FAM204A: variants seen among roughly 807,000 people sequenced by gnomAD.
FAM204A encodes protein FAM204A.
In FAM204A, 16 loss-of-function variants were observed where a neutral mutation model predicts 35.4. The ratio of observed to expected loss-of-function variants is 0.45; its 90% CI spans 0.31 to 0.69. The LOEUF (loss-of-function observed/expected upper bound fraction) is 0.69. Among genes scored for constraint, FAM204A ranks in the 30% least tolerant of loss-of-function variants. The pLI is 0.07. For synonymous variants in FAM204A, 76 were observed against 86.9 expected (o/e 0.88, Z 0.70); for missense variants, 240 against 265.7 (o/e 0.90, Z 0.67).
chr10:118,313,869 A>T (rs1463752356), intron 7 of FAM204A, among the ~76,000 whole-genome samples: 2 of 152,186 alleles, frequency 1.3e-5, no homozygotes, highest in Non-Finnish European at 2.9e-5. Context: ...TATTTTTCTC[A>T]TTGGAATTTC....
intron 2 of FAM204A, among the ~76,000 whole-genome samples, chr10:118,341,304 C>T (rs560801419): frequency 6.6e-6 from 1 of 152,288 alleles, no homozygotes; most frequent in African/African-American, 2.4e-5. Context: ...GAAGCCTGAA[C>T]TTCGTCTGAT....
In FAM204A at chr10:118,311,193, T is replaced by G. The variant is rs758768544; in HGVS notation, c.650+14A>C. On this transcript the variant is annotated intron_variant, in intron 8 of 8. Coordinates refer to ENST00000369183, the MANE Select transcript of FAM204A (RefSeq NM_022063.3). ...GTCAGGAGATTTACTACCAAAAATC[T>G]TAAGTAAACTCACCCCCATGCAAGT... 1 of 1,599,226 alleles carries G rather than the reference T, an allele frequency of 6.3e-7. No individual in the cohort carries two copies. The highest frequency in any genetic ancestry group is 8.5e-7 in the Non-Finnish European group (1 of 1,174,928).
intron 7 of FAM204A, among the ~76,000 whole-genome samples, chr10:118,318,201 A>T (rs1846059980): frequency 6.6e-6 from 1 of 152,084 alleles, no homozygotes; most frequent in Non-Finnish European, 1.5e-5. Flanking sequence ...ATAAACAAGC[A>T]AACAAAAGAA....
At chr10:118,322,275 C>A in intron 7 of FAM204A, 1 of 452,532 alleles carries the variant, frequency 2.2e-6, no homozygotes, top group Non-Finnish European at 4.5e-6. Context: ...GAAACAATAA[C>A]ATCACAGTGG....
chr10:118,316,605 C>T (rs759921446), intron 7 of FAM204A, among the ~76,000 whole-genome samples: 3 of 152,108 alleles, frequency 2.0e-5, no homozygotes, highest in Non-Finnish European at 4.4e-5. Context: ...ATCGTTTACA[C>T]AGCTATCATT....
At chr10:118,332,547 C>A (rs2133288452) in intron 6 of FAM204A, among the ~76,000 whole-genome samples, 1 of 113,724 alleles carries the variant, frequency 8.8e-6, no homozygotes, top group East Asian at 3.2e-4. Context: ...CCTCCCTCCA[C>A]ATCCCTATGC....
At position 118,299,317 on chromosome 10, in the gene FAM204A, T is replaced by C. The variant is rs371265718; in HGVS notation, c.*11540A>G. ...ATCAATTACCAACCCTGCTTCTGTA[T>C]TTTTTTTTGAGGTCAAGCTAGGTAC... is the stretch of plus-strand genomic sequence containing the variant. On this transcript the variant is annotated 3_prime_UTR_variant, in exon 9 of 9. Transcript: ENST00000369183. 6.7e-6 allele frequency: 1 copy of C among 149,562 alleles called. No homozygotes were observed. The highest frequency in any genetic ancestry group is 1.5e-5 in the Non-Finnish European group (1 of 67,646). The allele number at this position is 149,562 out of a possible 1,614,324, so 9.3% of individuals were successfully genotyped here.
chr10:118,332,492 T>G (rs533598300), intron 6 of FAM204A, among the ~76,000 whole-genome samples: 85 of 149,660 alleles, frequency 5.7e-4, no homozygotes, highest in Middle Eastern at 6.8e-3. Context: ...CTCCTATACC[T>G]CCTCCCTCCA....
In FAM204A at chr10:118,302,701, G is replaced by GTAATGT. The variant is rs1323534132; in HGVS notation, c.*8150_*8155dup. ...TCTTTTCCTTTTTTGGAAAATGGAA[G>GTAATGT]TAATGTACTAGTACAGGCAGTCTGT... On this transcript the variant is annotated 3_prime_UTR_variant, in exon 9 of 9. Transcript: ENST00000369183. 1 of 152,182 alleles carries GTAATGT rather than the reference G, an allele frequency of 6.6e-6. No individual in the cohort carries two copies. Among genetic ancestry groups the GTAATGT allele is most frequent in the Non-Finnish European group, 1.5e-5 (1 of 68,044 alleles). 9.4% of individuals were successfully genotyped at this position (152,182 alleles called of 1,614,324 possible). A position where few individuals can be genotyped will look rare whatever the true frequency, so the allele number is the denominator to read the frequency against.
intron 2 of FAM204A, among the ~76,000 whole-genome samples, chr10:118,337,410 TA>T (rs1846406376): frequency 6.6e-6 from 1 of 152,200 alleles, no homozygotes; most frequent in Non-Finnish European, 1.5e-5. Flanking sequence ...GTGATTAACC[TA>T]GTTAAAAAAC....
intron 6 of FAM204A, chr10:118,326,470 A>C (rs1304914803): frequency 4.2e-6 from 2 of 473,092 alleles, no homozygotes; most frequent in Non-Finnish European, 7.4e-6. Flanking sequence ...ATAAGACGCA[A>C]ATCCAGATTT....
chr10:118,320,807 A>C (rs1846101908), intron 7 of FAM204A, among the ~76,000 whole-genome samples: 1 of 151,832 alleles, frequency 6.6e-6, no homozygotes, highest in African/African-American at 2.4e-5. Context: ...AATTTAAGGG[A>C]GTATGATTCC....
At chr10:118,312,597 C>CAT (rs1845970018) in intron 7 of FAM204A, among the ~76,000 whole-genome samples, 1 of 152,070 alleles carries the variant, frequency 6.6e-6, no homozygotes, top group Non-Finnish European at 1.5e-5. Context: ...CAGTTAAGAA[C>CAT]ATATATATAA....
Position 118,326,012 on chromosome 10 carries a change from G to A in FAM204A, c.543+142C>T, listed in dbSNP as rs977813066. The A allele has an allele frequency of 9.6e-6, 6 of 622,462 alleles. No homozygotes were observed. The Admixed American group carries it at 1.9e-4, about 20-fold the overall frequency. 38.6% of individuals were successfully genotyped at this position (622,462 alleles called of 1,614,324 possible). ...ACCTAGCATTTCAAAATAAATGACA[G>A]AATAAAAGAGAAGAAAATGGACAAA... On this transcript the variant is annotated intron_variant, in intron 7 of 8. Coordinates refer to ENST00000369183, the MANE Select transcript of FAM204A (RefSeq NM_022063.3).
In FAM204A at chr10:118,311,212, T is replaced by C. The variant is rs781361703; in HGVS notation, c.645A>G (p.Ala215=). The change falls in exon 8 of 9, where the codon GCA becomes GCG. Residue 215 remains alanine (A), a synonymous_variant. Coordinates refer to ENST00000369183, the MANE Select transcript of FAM204A (RefSeq NM_022063.3). ...SQAARKKKKL[A]WGFEAKKRWE... ...AAAATCTTAAGTAAACTCACCCCCA[T>C]GCAAGTTTCTTCTTTTTTCGGGCAG... 6 of 1,608,502 alleles carry C rather than the reference T, an allele frequency of 3.7e-6. No individual in the cohort carries two copies. The East Asian group carries it at 8.9e-5, about 24-fold the overall frequency.
rs1010159823 is a variant in FAM204A, at chr10:118,299,169, G to A, written c.*11688C>T. On this transcript the variant is annotated 3_prime_UTR_variant, in exon 9 of 9. Coordinates refer to ENST00000369183, the MANE Select transcript of FAM204A (RefSeq NM_022063.3). ...CTGCCTGATTCTTGAGTATGCTAAT[G>A]CCTACACTTTCATCTTCTCAGAAAA... is the stretch of plus-strand genomic sequence containing the variant. The A allele has an allele frequency of 6.6e-6, 1 of 152,212 alleles. No individual in the cohort carries two copies. Among genetic ancestry groups the A allele is most frequent in the South Asian group, 2.1e-4 (1 of 4,820 alleles). The allele number at this position is 152,212 out of a possible 1,614,324, so 9.4% of individuals were successfully genotyped here. A position where few individuals can be genotyped will look rare whatever the true frequency, so the allele number is the denominator to read the frequency against.
intron 7 of FAM204A, among the ~76,000 whole-genome samples, chr10:118,317,227 T>C (rs1257161029): frequency 6.6e-6 from 1 of 152,080 alleles, no homozygotes; most frequent in Admixed American, 6.6e-5. Context: ...GTGCTAAGCT[T>C]CAACTACCAC....
At chr10:118,334,211 A>T (rs906882489) in intron 6 of FAM204A, among the ~76,000 whole-genome samples, 1 of 152,084 alleles carries the variant, frequency 6.6e-6, no homozygotes, top group Non-Finnish European at 1.5e-5. Context: ...CAAGTCCCAA[A>T]CTGAACTTTG....
chr10:118,311,750 A>G (rs574776726), intron 7 of FAM204A, among the ~76,000 whole-genome samples: 109 of 152,222 alleles, frequency 7.2e-4, no homozygotes, highest in Non-Finnish European at 1.4e-3. Flanking sequence ...AGAAGCTCTG[A>G]TTGGCAGTCA....
Sources: allele counts gnomAD v4.1 joint callset (sites outside exome capture counted in the v4.1 genomes callset), GRCh38; gene constraint gnomAD v4.1.1; transcripts MANE v1.5; gene names NCBI Gene and HGNC (gene_info 2026-07-23, HGNC 2026-07-21).